The following GALNTL6 variants were observed in gnomAD, a reference collection of about 807,000 sequenced individuals.
GALNTL6 encodes the protein polypeptide N-acetylgalactosaminyltransferase-like 6.
A neutral mutation model predicts 73.7 loss-of-function variants in GALNTL6; 46 were observed. The ratio of observed to expected loss-of-function variants is 0.62; its 90% CI spans 0.49 to 0.80. The LOEUF is 0.80. Ranked by LOEUF, GALNTL6 falls within the 30% of genes least tolerant of loss-of-function variation. The pLI, the probability that GALNTL6 is intolerant of heterozygous loss-of-function variation, is 0.00. For synonymous variants in GALNTL6, 259 were observed against 263.7 expected (o/e 0.98, Z 0.17); for missense variants, 604 against 755.0 (o/e 0.80, Z 2.34).
chr4:172,722,959 T>C (rs569609482), intron 5 of GALNTL6, among the ~76,000 whole-genome samples: 4 of 152,288 alleles, frequency 2.6e-5, no homozygotes, highest in South Asian at 4.1e-4. Flanking sequence ...TGGGTCTCAC[T>C]GGGCTAAAAT....
At chr4:172,330,717 T>C (rs554921922) in intron 4 of GALNTL6, among the ~76,000 whole-genome samples, 3 of 152,152 alleles carry the variant, frequency 2.0e-5, no homozygotes, top group Non-Finnish European at 4.4e-5. Context: ...AAGCTCAGCG[T>C]TTACCAATTT....
At chr4:171,827,063 T>A (rs513929) in intron 2 of GALNTL6, among the ~76,000 whole-genome samples, 1 of 151,840 alleles carries the variant, frequency 6.6e-6, no homozygotes, top group African/African-American at 2.4e-5. Context: ...CCTGGAAACA[T>A]GGACTCCAAA....
intron 2 of GALNTL6, among the ~76,000 whole-genome samples, chr4:172,066,975 G>C (rs1408533584): frequency 3.3e-5 from 5 of 151,972 alleles, no homozygotes; most frequent in African/African-American, 4.8e-5. Flanking sequence ...ATCCATGAAC[G>C]TGTGGATACA....
At chr4:172,133,333 A>C (rs1733551546) in intron 2 of GALNTL6, among the ~76,000 whole-genome samples, 1 of 152,240 alleles carries the variant, frequency 6.6e-6, no homozygotes, top group African/African-American at 2.4e-5. Context: ...ACCAATCTAC[A>C]TAGTTGCACA....
chr4:172,166,281 TA>T (rs917584827), intron 2 of GALNTL6, among the ~76,000 whole-genome samples: 4 of 152,018 alleles, frequency 2.6e-5, no homozygotes, highest in African/African-American at 9.6e-5. Flanking sequence ...CCGTCTCTAC[TA>T]AAAAAATACA....
intron 5 of GALNTL6, among the ~76,000 whole-genome samples, chr4:172,427,347 A>G (rs1437491840): frequency 2.0e-5 from 3 of 152,134 alleles, no homozygotes; most frequent in Non-Finnish European, 4.4e-5. Context: ...CCTTTATAAA[A>G]CCATCAGATC....
chr4:172,180,455 C>T (rs975730657), intron 2 of GALNTL6, among the ~76,000 whole-genome samples: 19 of 151,592 alleles, frequency 1.3e-4, no homozygotes, highest in Admixed American at 1.3e-4. Flanking sequence ...TATTTTAATT[C>T]GATCCCATTT....
intron 2 of GALNTL6, among the ~76,000 whole-genome samples, chr4:171,955,366 A>G (rs552463687): frequency 2.9e-5 from 4 of 139,624 alleles, no homozygotes; most frequent in Non-Finnish European, 6.3e-5. Flanking sequence ...CGAATGAAAT[A>G]TATCTATCTA....
intron 5 of GALNTL6, among the ~76,000 whole-genome samples, chr4:172,643,505 A>G (rs542968063): frequency 6.6e-6 from 1 of 152,114 alleles, no homozygotes; most frequent in South Asian, 2.1e-4. Flanking sequence ...ATTCAGATCA[A>G]GAATCAGAAT....
chr4:172,379,791 C>T (rs1198321240), intron 5 of GALNTL6, among the ~76,000 whole-genome samples: 1 of 152,172 alleles, frequency 6.6e-6, no homozygotes, highest in Admixed American at 6.5e-5. Context: ...AGAGGGGCCA[C>T]TGCTTTTAAA....
intron 2 of GALNTL6, among the ~76,000 whole-genome samples, chr4:171,982,423 C>A (rs1031744928): frequency 2.6e-5 from 4 of 151,944 alleles, no homozygotes; most frequent in South Asian, 4.2e-4. Context: ...TCAGCCTCCC[C>A]AGTAGCTGGG....
chr4:171,885,070 AG>A (rs1213802714), intron 2 of GALNTL6, among the ~76,000 whole-genome samples: 2 of 151,730 alleles, frequency 1.3e-5, no homozygotes, highest in East Asian at 3.9e-4. Flanking sequence ...AAAAAAGAAA[AG>A]AAAAGAAAAA....
At chr4:172,130,218 T>C (rs1733450936) in intron 2 of GALNTL6, among the ~76,000 whole-genome samples, 1 of 147,774 alleles carries the variant, frequency 6.8e-6, no homozygotes, top group Non-Finnish European at 1.5e-5. Flanking sequence ...AAGATTGTGA[T>C]GGCCTTTGTC....
At chr4:172,959,784 T>TG (rs1173537498) in intron 10 of GALNTL6, among the ~76,000 whole-genome samples, 1 of 152,162 alleles carries the variant, frequency 6.6e-6, no homozygotes, top group Non-Finnish European at 1.5e-5. Flanking sequence ...GGAGGAATCC[T>TG]GGGCTGCGGG....
intron 2 of GALNTL6, among the ~76,000 whole-genome samples, chr4:172,213,012 A>G (rs1258827346): frequency 6.6e-6 from 1 of 152,148 alleles, no homozygotes; most frequent in African/African-American, 2.4e-5. Context: ...TGCATTTCCT[A>G]AAGTATCACA....
chr4:172,896,293 AACTG>A (rs1428724358), intron 8 of GALNTL6, among the ~76,000 whole-genome samples: 1 of 152,216 alleles, frequency 6.6e-6, no homozygotes, highest in Non-Finnish European at 1.5e-5. Flanking sequence ...ATTCTAAGCA[AACTG>A]ACTATTATGT....
At chr4:172,295,164 G>C (rs1285928686) in intron 3 of GALNTL6, among the ~76,000 whole-genome samples, 1 of 152,170 alleles carries the variant, frequency 6.6e-6, no homozygotes, top group African/African-American at 2.4e-5. Context: ...GCTCACGTCT[G>C]TAATGCCAGC....
chr4:172,177,876 AATCGTGAAGAAATGTT>A (rs1735098610), intron 2 of GALNTL6, among the ~76,000 whole-genome samples: 1 of 51,718 alleles, frequency 1.9e-5, no homozygotes, highest in African/African-American at 4.1e-5. Flanking sequence ...AAGGCATGCT[AATCGTGAAGAAATGTT>A]ACTTCTATGA....
At chr4:172,290,917 A>T (rs1739448527) in intron 3 of GALNTL6, among the ~76,000 whole-genome samples, 1 of 151,910 alleles carries the variant, frequency 6.6e-6, no homozygotes, top group South Asian at 2.1e-4. Flanking sequence ...CACATAAAAA[A>T]CAAGCAAGAA....
Sources: allele counts gnomAD v4.1 joint callset (sites outside exome capture counted in the v4.1 genomes callset), GRCh38; gene constraint gnomAD v4.1.1; transcripts MANE v1.5; gene names NCBI Gene and HGNC (gene_info 2026-07-23, HGNC 2026-07-21).